The following NUDT12 variants were observed in gnomAD, a reference collection of about 807,000 sequenced individuals.
The protein encoded by NUDT12 is NAD-capped RNA hydrolase NUDT12.
Under a neutral mutation model 45.7 loss-of-function variants are expected in NUDT12, and 42 were observed. That is an observed-to-expected ratio of 0.92 (90% confidence interval 0.72 to 1.19). The LOEUF (loss-of-function observed/expected upper bound fraction) is 1.19. Ranked by LOEUF, NUDT12 falls within the 50% of genes most tolerant of loss-of-function variation. NUDT12 has a pLI of 0.00. For synonymous variants in NUDT12, 206 were observed against 179.7 expected, an observed-to-expected ratio of 1.15 and a Z score of -1.17; for missense variants, 590 against 533.1, an observed-to-expected ratio of 1.11 and a Z score of -1.05.
rs1017193241 is a variant in NUDT12 at position 103,549,759 on chromosome 5, A to G, written c.*1102T>C. ...TAATAGCTATTAAATCAATTTCAAA[A>G]TAGCCTTTCAAAATGTGACTTTCTA... is the stretch of plus-strand genomic sequence containing the variant. On this transcript the variant is annotated 3_prime_UTR_variant, in exon 7 of 7. Coordinates refer to ENST00000230792, the MANE Select transcript of NUDT12 (RefSeq NM_031438.4). 6.6e-6 allele frequency: 1 copy of G among 152,132 alleles called. No individual in the cohort carries two copies. The highest frequency in any genetic ancestry group is 2.4e-5 in the African/African-American group (1 of 41,446). The allele number at this position is 152,132 out of a possible 1,614,324, so 9.4% of individuals were successfully genotyped here. A position where few individuals can be genotyped will look rare whatever the true frequency, so the allele number is the denominator to read the frequency against.
At chr5:103,556,172 C>A in intron 3 of NUDT12, 74 bp from the exon 4 acceptor site, 1 of 1,085,298 alleles carries the variant, frequency 9.2e-7, no homozygotes, top group South Asian at 2.9e-5. Context: ...AAAATGTTCT[C>A]AAGCTACAAT....
chr5:103,555,428 T>C (rs1191044742), intron 4 of NUDT12, among the ~76,000 whole-genome samples: 2 of 152,048 alleles, frequency 1.3e-5, no homozygotes, highest in South Asian at 2.1e-4. Flanking sequence ...CACTAAGCCA[T>C]GTATTTTTCT....
At position 103,554,858 on chromosome 5, in the gene NUDT12, T is replaced by TG. The variant is rs761526734; in HGVS notation, c.965-6dup. ...CTTGCATGATTACTACTGGATCTGT[T>TG]GAAAAAAAAAATCAGATACATGAAT... On this transcript the variant is annotated splice_polypyrimidine_tract_variant and splice_region_variant and intron_variant, in intron 4 of 6. Transcript: ENST00000230792. 15 of 1,255,974 alleles carry TG rather than the reference T, an allele frequency of 1.2e-5. No homozygotes were observed. The highest frequency in any genetic ancestry group is 5.2e-5 in the East Asian group (2 of 38,716). The allele number at this position is 1,255,974 out of a possible 1,614,324, so 77.8% of individuals were successfully genotyped here. A position where few individuals can be genotyped will look rare whatever the true frequency, so the allele number is the denominator to read the frequency against.
chr5:103,553,905 T>C (rs1024963885), intron 5 of NUDT12, among the ~76,000 whole-genome samples: 22 of 151,998 alleles, frequency 1.4e-4, no homozygotes, highest in Non-Finnish European at 2.2e-4. Flanking sequence ...GAGCAAATTA[T>C]TTAGTCCCTA....
intron 5 of NUDT12, among the ~76,000 whole-genome samples, chr5:103,553,609 C>G (rs13157247): frequency 0.14 from 21,359 of 151,966 alleles, 1,690 homozygotes; most frequent in Middle Eastern, 0.25. Flanking sequence ...ATGAGCTGGT[C>G]GTACTACTCT....
chr5:103,560,364 T>C (rs1748995814), intron 1 of NUDT12, 110 bp from the exon 2 acceptor site: 4 of 676,598 alleles, frequency 5.9e-6, no homozygotes, highest in Non-Finnish European at 1.0e-5. Context: ...CAAGGCAACA[T>C]ACTATTCAAC....
chr5:103,557,534 CTT>C (rs1384138186), intron 3 of NUDT12, among the ~76,000 whole-genome samples: 1 of 151,658 alleles, frequency 6.6e-6, no homozygotes, highest in Admixed American at 6.6e-5. Flanking sequence ...TGACGTTTCT[CTT>C]GTCAAGTTCA....
rs541137110 is a variant in NUDT12 at position 103,550,752 on chromosome 5, G to A, written c.*109C>T. The A allele has an allele frequency of 2.5e-5, 17 of 683,466 alleles. No homozygotes were observed. The highest frequency in any genetic ancestry group is 3.4e-5 in the Non-Finnish European group (14 of 405,834). The allele number at this position is 683,466 out of a possible 1,614,324, so 42.3% of individuals were successfully genotyped here. On this transcript the variant is annotated 3_prime_UTR_variant, in exon 7 of 7. Coordinates refer to ENST00000230792, the MANE Select transcript of NUDT12 (RefSeq NM_031438.4). Reference sequence around the variant, plus strand: ...GAAAATATTTCGAAAACCCAACATCGTATTTTGTGTTGTGACACTCTCAAG... The same window carrying A: ...GAAAATATTTCGAAAACCCAACATCATATTTTGTGTTGTGACACTCTCAAG...
intron 4 of NUDT12, 28 bp downstream of exon 4, chr5:103,555,903 T>C: frequency 7.0e-7 from 1 of 1,436,904 alleles, no homozygotes; most frequent in Non-Finnish European, 9.2e-7. Flanking sequence ...AAGATCCAGG[T>C]GGCTGAGATA....
Position 103,549,850 on chromosome 5 carries a change from ATACT to A in NUDT12, c.*1007_*1010del, listed in dbSNP as rs1346625325. On this transcript the variant is annotated 3_prime_UTR_variant, in exon 7 of 7. Coordinates refer to ENST00000230792, the MANE Select transcript of NUDT12 (RefSeq NM_031438.4). ...AATCTTACTGATTCAGCTCTAAAAT[ATACT>A]TACTTTGTCAAGGCTTCTTAGAATG... The A allele has an allele frequency of 6.6e-6, 1 of 152,172 alleles. No homozygotes were observed. The highest frequency in any genetic ancestry group is 1.9e-4 in the East Asian group (1 of 5,196). 9.4% of individuals were successfully genotyped at this position (152,172 alleles called of 1,614,324 possible). A position where few individuals can be genotyped will look rare whatever the true frequency, so the allele number is the denominator to read the frequency against.
At chr5:103,558,845 A>G in intron 3 of NUDT12, 34 bp downstream of exon 3, 2 of 1,456,706 alleles carry the variant, frequency 1.4e-6, no homozygotes, top group Non-Finnish European at 1.8e-6. Flanking sequence ...TAAAAACCAG[A>G]TTTTACCAAT....
At position 103,558,864 on chromosome 5, in the gene NUDT12, G is replaced by A. The variant is rs780991749; in HGVS notation, c.796+15C>T. ...AACCAGATTTTACCAATGAAAAGCA[G>A]CATTCATTTCTTACCAGCTTCTTTT... On this transcript the variant is annotated intron_variant, in intron 3 of 6. Coordinates refer to ENST00000230792, the MANE Select transcript of NUDT12 (RefSeq NM_031438.4). 1 of 1,505,976 alleles carries A rather than the reference G, an allele frequency of 6.6e-7. No individual in the cohort carries two copies. The highest frequency in any genetic ancestry group is 8.9e-7 in the Non-Finnish European group (1 of 1,119,886). 93.3% of individuals were successfully genotyped at this position (1,505,976 alleles called of 1,614,324 possible).
Position 103,549,742 on chromosome 5 carries a change from A to G in NUDT12, c.*1119T>C, listed in dbSNP as rs1748593575. On this transcript the variant is annotated 3_prime_UTR_variant, in exon 7 of 7. Transcript: ENST00000230792. The stretch of plus-strand genomic sequence containing the variant: ...TTGATATTCATAAACTATAATAGCT[A>G]TTAAATCAATTTCAAAATAGCCTTT... 6.6e-6 allele frequency: 1 copy of G among 152,102 alleles called. No individual in the cohort carries two copies. The highest frequency in any genetic ancestry group is 1.5e-5 in the Non-Finnish European group (1 of 67,974). The allele number at this position is 152,102 out of a possible 1,614,324, so 9.4% of individuals were successfully genotyped here.
In NUDT12 at chr5:103,560,078, C is replaced by T; in HGVS notation, c.171G>A (p.Gly57=). ...GCAGAAATTGGACTATCTCTGGGTG[C>T]CCATTCCTTGCCGCATACATTAAAG... ...WTALMYAARN[G]HPEIVQFLLE... The change falls in exon 2 of 7, where the codon GGG becomes GGA. Residue 57 remains glycine (G), a synonymous_variant. Coordinates refer to ENST00000230792, the MANE Select transcript of NUDT12 (RefSeq NM_031438.4). 1 of 1,613,792 alleles carries T rather than the reference C, an allele frequency of 6.2e-7. No homozygotes were observed. Among genetic ancestry groups the T allele is most frequent in the Non-Finnish European group, 8.5e-7 (1 of 1,179,738 alleles).
chr5:103,549,453 T>G lies in NUDT12; in HGVS notation c.*1408A>C, dbSNP rs1482993275. ...ATTAACAATATTTGGTAAATTAAAT[T>G]TATTCTTATCATTCCTTCTTTTAAT... is the stretch of plus-strand genomic sequence containing the variant. On this transcript the variant is annotated 3_prime_UTR_variant, in exon 7 of 7. Coordinates refer to ENST00000230792, the MANE Select transcript of NUDT12 (RefSeq NM_031438.4). The G allele has an allele frequency of 2.0e-5, 3 of 151,938 alleles. No homozygotes were observed. Among genetic ancestry groups the G allele is most frequent in the African/African-American group, 7.2e-5 (3 of 41,442 alleles). 9.4% of individuals were successfully genotyped at this position (151,938 alleles called of 1,614,324 possible).
rs536503104 is a variant in NUDT12, at chr5:103,562,380, T to TAA, written c.-7+321_-7+322dup. Reference sequence around the variant, plus strand: ...GGTCTCTGAAAATGGTAAAATGCCTTAAGATATTTTACTTTCTTGCCACTA... The same window carrying TAA: ...GGTCTCTGAAAATGGTAAAATGCCTTAAAAGATATTTTACTTTCTTGCCACTA... On this transcript the variant is annotated intron_variant, in intron 1 of 6. Transcript: ENST00000230792. Among the ~76,000 whole-genome samples the TAA allele has an allele frequency of 1.6e-3, 245 of 152,222 alleles. 2 individuals carry two copies. Among genetic ancestry groups the TAA allele is most frequent in the African/African-American group, 5.6e-3 (233 of 41,518 alleles).
chr5:103,556,932 T>C (rs1748841807), intron 3 of NUDT12, among the ~76,000 whole-genome samples: 1 of 152,052 alleles, frequency 6.6e-6, no homozygotes, highest in South Asian at 2.1e-4. Flanking sequence ...TTGTAATGAA[T>C]AGACAACATT....
chr5:103,550,098 T>C lies in NUDT12; in HGVS notation c.*763A>G, dbSNP rs1748605120. On this transcript the variant is annotated 3_prime_UTR_variant, in exon 7 of 7. Coordinates refer to ENST00000230792, the MANE Select transcript of NUDT12 (RefSeq NM_031438.4). ...AATTTCAGTGCAAAAGCAGAGAATC[T>C]TGGTTTGTCTTAATAACAGCTTTAG... is the stretch of plus-strand genomic sequence containing the variant. The C allele has an allele frequency of 6.6e-6, 1 of 152,168 alleles. No homozygotes were observed. The highest frequency in any genetic ancestry group is 2.4e-5 in the African/African-American group (1 of 41,434). 9.4% of individuals were successfully genotyped at this position (152,168 alleles called of 1,614,324 possible).
Position 103,560,166 on chromosome 5 carries a change from A to G in NUDT12, c.83T>C (p.Leu28Ser), listed in dbSNP as rs778838731. 1.2e-5 allele frequency: 20 copies of G among 1,613,638 alleles called. No homozygotes were observed. The East Asian group carries it at 3.3e-4, about 27-fold the overall frequency. ...CSAAEGDIAK[L>S]TGILSHSPSL... The stretch of plus-strand genomic sequence containing the variant: ...TGGAGAATGACTGAGTATTCCTGTT[A>G]ACTTGGCAATATCTCCTTCAGCAGC... The change falls in exon 2 of 7, where the codon TTA becomes TCA. Residue 28 changes from leucine to serine, a missense_variant. Physicochemically the swap from Leu to Ser is moderately radical, Grantham distance 145. Coordinates refer to ENST00000230792, the MANE Select transcript of NUDT12 (RefSeq NM_031438.4).
Sources: allele counts gnomAD v4.1 joint callset (sites outside exome capture counted in the v4.1 genomes callset), GRCh38; gene constraint gnomAD v4.1.1; transcripts MANE v1.5; gene names NCBI Gene and HGNC (gene_info 2026-07-23, HGNC 2026-07-21).